HNRNPC: variants seen among roughly 807,000 people sequenced by gnomAD.
The protein encoded by HNRNPC is heterogeneous nuclear ribonucleoproteins C1/C2.
Under a neutral mutation model 33.2 loss-of-function variants are expected in HNRNPC, and 3 were observed. The ratio of observed to expected loss-of-function variants is 0.09; its 90% CI spans 0.04 to 0.23. The LOEUF is 0.23. HNRNPC is among the 10% of genes least tolerant of loss of function. HNRNPC has a pLI of 1.00. For missense variants in HNRNPC, 143 were observed against 366.7 expected (o/e 0.39, Z 4.98); for synonymous variants, 121 against 126.7 (o/e 0.96, Z 0.30).
chr14:21,215,699 A>T (rs995773434), intron 5 of HNRNPC, among the ~76,000 whole-genome samples: 1 of 152,134 alleles, frequency 6.6e-6, no homozygotes, highest in East Asian at 1.9e-4. Context: ...ACGAGTTGAG[A>T]CCAGCCTGAC....
chr14:21,241,961 G>A (rs1895396224), intron 2 of HNRNPC, among the ~76,000 whole-genome samples: 1 of 152,094 alleles, frequency 6.6e-6, no homozygotes, highest in African/African-American at 2.4e-5. Flanking sequence ...TGTACATCAT[G>A]GTGGGAAAAT....
At chr14:21,216,183 A>G (rs1379024063) in intron 5 of HNRNPC, among the ~76,000 whole-genome samples, 1 of 152,046 alleles carries the variant, frequency 6.6e-6, no homozygotes, top group Non-Finnish European at 1.5e-5. Context: ...AAAGCATTAC[A>G]AGACATGTAC....
intron 5 of HNRNPC, among the ~76,000 whole-genome samples, chr14:21,221,686 G>A (rs954927140): frequency 1.3e-5 from 2 of 152,028 alleles, no homozygotes; most frequent in East Asian, 3.8e-4. Context: ...AATATATAAC[G>A]AATCCTACAA....
At chr14:21,214,102 G>A (rs190968492) in intron 5 of HNRNPC, among the ~76,000 whole-genome samples, 9 of 152,198 alleles carry the variant, frequency 5.9e-5, no homozygotes, top group South Asian at 2.1e-4. Context: ...CTATGGCAAC[G>A]TATGAAAAGG....
chr14:21,229,471 T>C (rs957269480), intron 5 of HNRNPC, among the ~76,000 whole-genome samples: 1 of 152,246 alleles, frequency 6.6e-6, no homozygotes, highest in African/African-American at 2.4e-5. Flanking sequence ...TATTATGGCA[T>C]TCAAGGCCCT....
chr14:21,223,063 C>T (rs1018733892), intron 5 of HNRNPC, among the ~76,000 whole-genome samples: 1 of 151,642 alleles, frequency 6.6e-6, no homozygotes, highest in African/African-American at 2.4e-5. Context: ...AAAAAGAGCC[C>T]GGCGTGGTGA....
At chr14:21,266,168 C>T (rs1435826738) in intron 1 of HNRNPC, among the ~76,000 whole-genome samples, 10 of 152,086 alleles carry the variant, frequency 6.6e-5, no homozygotes, top group Admixed American at 1.3e-4. Context: ...TGCAGTGGTG[C>T]GATGGCTCAC....
chr14:21,266,679 C>T (rs1159833638), intron 1 of HNRNPC, among the ~76,000 whole-genome samples: 2 of 149,588 alleles, frequency 1.3e-5, no homozygotes, highest in Non-Finnish European at 3.0e-5. Context: ...TTCCCATTTC[C>T]AATGAGAATA....
intron 5 of HNRNPC, among the ~76,000 whole-genome samples, chr14:21,226,899 G>GAAAAAAAAAAAA (rs763914963): frequency 9.4e-6 from 1 of 106,356 alleles, no homozygotes; most frequent in African/African-American, 3.9e-5. Context: ...AAAAAAAGGG[G>GAAAAAAAAAAAA]GGGGGGGGAC....
intron 2 of HNRNPC, among the ~76,000 whole-genome samples, chr14:21,242,390 A>G (rs986351019): frequency 7.2e-5 from 11 of 152,216 alleles, no homozygotes; most frequent in African/African-American, 2.7e-4. Flanking sequence ...AGACTGAGCT[A>G]GAAGAATCGC....
intron 2 of HNRNPC, among the ~76,000 whole-genome samples, chr14:21,251,145 T>G (rs1203760950): frequency 6.7e-6 from 1 of 148,506 alleles, no homozygotes; most frequent in Non-Finnish European, 1.5e-5. Context: ...CCTGTAGTCC[T>G]GGCTACTCGG....
intron 2 of HNRNPC, among the ~76,000 whole-genome samples, chr14:21,259,741 T>G (rs1390016084): frequency 6.6e-6 from 1 of 152,086 alleles, no homozygotes; most frequent in Non-Finnish European, 1.5e-5. Flanking sequence ...GATTTTAATA[T>G]CTCCTTTATT....
intron 2 of HNRNPC, among the ~76,000 whole-genome samples, chr14:21,237,783 A>AT (rs1168898234): frequency 2.0e-5 from 3 of 151,242 alleles, no homozygotes; most frequent in Admixed American, 1.3e-4. Context: ...TTTTTTTTTA[A>AT]TTTTTTTGAG....
At chr14:21,247,088 G>A (rs186416861) in intron 2 of HNRNPC, among the ~76,000 whole-genome samples, 1 of 152,278 alleles carries the variant, frequency 6.6e-6, no homozygotes, top group African/African-American at 2.4e-5. Context: ...AGGGGGTGCT[G>A]GCAGCTGGTG....
chr14:21,253,105 T>C (rs1366376038), intron 2 of HNRNPC, among the ~76,000 whole-genome samples: 1 of 142,302 alleles, frequency 7.0e-6, no homozygotes, highest in African/African-American at 2.6e-5. Context: ...ACCTGGGAGG[T>C]GGAAGTTGCA....
intron 5 of HNRNPC, among the ~76,000 whole-genome samples, chr14:21,224,519 C>G (rs528434359): frequency 1.3e-5 from 2 of 152,174 alleles, no homozygotes; most frequent in Non-Finnish European, 2.9e-5. Flanking sequence ...TATTATTTTC[C>G]TACAAGCACC....
chr14:21,242,749 GAC>G (rs1197295006), intron 2 of HNRNPC, among the ~76,000 whole-genome samples: 5 of 152,136 alleles, frequency 3.3e-5, no homozygotes, highest in African/African-American at 9.7e-5. Context: ...CTCCTGATGT[GAC>G]ACACTTAAAC....
At chr14:21,265,363 A>G (rs948023700) in intron 1 of HNRNPC, 1 of 152,154 alleles carries the variant, frequency 6.6e-6, no homozygotes, top group African/African-American at 2.4e-5. Context: ...AGGTGCCACA[A>G]GACATAAGCT....
intron 5 of HNRNPC, among the ~76,000 whole-genome samples, chr14:21,218,899 C>T (rs1046696097): frequency 4.6e-5 from 7 of 151,638 alleles, no homozygotes; most frequent in African/African-American, 1.5e-4. Context: ...ATCATGAGAT[C>T]AGGAGTTCAA....
Sources: gnomAD v4.1 joint callset for allele counts (sites outside exome capture counted in the v4.1 genomes callset) on GRCh38, gnomAD v4.1.1 for gene constraint, MANE v1.5 for transcripts, NCBI Gene and HGNC (gene_info 2026-07-23, HGNC 2026-07-21) for gene names.